CSMD1: variants seen among roughly 807,000 people sequenced by gnomAD.
CSMD1 encodes CUB and Sushi multiple domains 1, also known as CUB and sushi domain-containing protein 1.
In CSMD1, 213 loss-of-function variants were observed where a neutral mutation model predicts 417.5. The ratio of observed to expected loss-of-function variants is 0.51; its 90% confidence interval spans 0.46 to 0.57. CSMD1 has a LOEUF of 0.57. Among genes scored for constraint, CSMD1 ranks in the 20% least tolerant of loss-of-function variants. The pLI is 0.00. For missense variants in CSMD1, 6,923 were observed against 4,529.7 expected, an observed-to-expected ratio of 1.53 and a Z score of -15.17; for synonymous variants, 2,862 against 1,736.8, an observed-to-expected ratio of 1.65 and a Z score of -16.11.
intron 3 of CSMD1, among the ~76,000 whole-genome samples, chr8:4,306,954 C>A (rs931669721): frequency 3.3e-5 from 5 of 152,114 alleles, no homozygotes; most frequent in Non-Finnish European, 4.4e-5. Flanking sequence ...GATCCTACCC[C>A]CAAGCATCTC....
Position 4,573,760 on chromosome 8 carries a change from A to T in CSMD1, c.302+63582T>A, listed in dbSNP as rs200052446. ...CCCAGGTGCTCTGTCCCAGGGAGAC[A>T]GGAATTTTATCTATGAGCCGCTGAC... On this transcript the variant is annotated intron_variant, in intron 2 of 69. Transcript: ENST00000635120. 4.8e-4 allele frequency among the ~76,000 whole-genome samples: 73 copies of T among 152,328 alleles called. No homozygotes were observed. In the East Asian group the frequency reaches 4.8e-3, roughly 10 times the overall value.
At chr8:4,101,472 C>T (rs937534567) in intron 3 of CSMD1, among the ~76,000 whole-genome samples, 1 of 152,188 alleles carries the variant, frequency 6.6e-6, no homozygotes, top group African/African-American at 2.4e-5. Context: ...AACAAAAGGT[C>T]TCCATGGTGC....
At chr8:4,531,890 C>T (rs1024876420) in intron 2 of CSMD1, among the ~76,000 whole-genome samples, 2 of 151,698 alleles carry the variant, frequency 1.3e-5, no homozygotes, top group Non-Finnish European at 2.9e-5. Context: ...AATCCTGCAC[C>T]CCCATTCACA....
intron 23 of CSMD1, among the ~76,000 whole-genome samples, chr8:3,320,434 C>A (rs554097328): frequency 6.6e-6 from 1 of 152,162 alleles, no homozygotes; most frequent in South Asian, 2.1e-4. Flanking sequence ...ACACGATAAG[C>A]TCCTCGTACA....
intron 20 of CSMD1, among the ~76,000 whole-genome samples, chr8:3,366,742 G>C (rs988040774): frequency 1.3e-5 from 2 of 152,148 alleles, no homozygotes; most frequent in African/African-American, 4.8e-5. Flanking sequence ...GAAGAGAATC[G>C]AGTGAGAAGG....
At chr8:3,786,414 G>A (rs1336594058) in intron 5 of CSMD1, among the ~76,000 whole-genome samples, 1 of 152,048 alleles carries the variant, frequency 6.6e-6, no homozygotes, top group African/African-American at 2.4e-5. Flanking sequence ...AAGAGTTTGG[G>A]GGACCACAAA....
At chr8:4,939,743 C>T (rs1191827922) in intron 1 of CSMD1, among the ~76,000 whole-genome samples, 2 of 152,154 alleles carry the variant, frequency 1.3e-5, no homozygotes, top group Non-Finnish European at 2.9e-5. Context: ...ACAGAGAGTA[C>T]GTGTGGAGTA....
chr8:3,851,843 C>T (rs1439923653), intron 5 of CSMD1, among the ~76,000 whole-genome samples: 2 of 151,992 alleles, frequency 1.3e-5, no homozygotes, highest in South Asian at 2.1e-4. Flanking sequence ...CCAGGAGGGT[C>T]GGGTGGGAGC....
intron 8 of CSMD1, among the ~76,000 whole-genome samples, chr8:3,610,208 A>T (rs1227184187): frequency 6.6e-6 from 1 of 152,172 alleles, no homozygotes. Flanking sequence ...AATGGGTTTT[A>T]CTATCCCATG....
chr8:4,390,563 G>C (rs938582842), intron 3 of CSMD1, among the ~76,000 whole-genome samples: 5 of 117,134 alleles, frequency 4.3e-5, no homozygotes, highest in South Asian at 2.8e-4. Flanking sequence ...GCCCAGGCTG[G>C]AGTGCAGTGG....
At chr8:4,570,312 C>A (rs571124766) in intron 2 of CSMD1, among the ~76,000 whole-genome samples, 3 of 152,046 alleles carry the variant, frequency 2.0e-5, no homozygotes, top group East Asian at 1.9e-4. Flanking sequence ...ACATATGTTC[C>A]GTCAATACCT....
chr8:4,437,469 C>A (rs975573393), intron 2 of CSMD1, among the ~76,000 whole-genome samples: 11 of 152,184 alleles, frequency 7.2e-5, no homozygotes, highest in African/African-American at 2.7e-4. Flanking sequence ...AAGTTAATTA[C>A]ATGAAAAGTT....
At chr8:4,175,091 T>G (rs950121174) in intron 3 of CSMD1, among the ~76,000 whole-genome samples, 1 of 151,936 alleles carries the variant, frequency 6.6e-6, no homozygotes. Flanking sequence ...TGCACTTTCA[T>G]AGACAAATTT....
At chr8:4,280,905 G>C (rs2656288) in intron 3 of CSMD1, among the ~76,000 whole-genome samples, 2 of 152,060 alleles carry the variant, frequency 1.3e-5, no homozygotes, top group African/African-American at 4.8e-5. Flanking sequence ...AGTTGTCATG[G>C]AAGTTGCAAT....
In CSMD1 at chr8:3,284,058, C is replaced by A. The variant is rs1802949488; in HGVS notation, c.4153+86G>T. On this transcript the variant is annotated intron_variant, in intron 26 of 69. Coordinates refer to ENST00000635120, the MANE Select transcript of CSMD1 (RefSeq NM_033225.6). ...AATAAATTGCATCTGTGTAAGGAGA[C>A]GCTGGTGAATATAAATGGAGGGAGA... is the stretch of plus-strand genomic sequence containing the variant. 4 of 1,099,014 alleles carry A rather than the reference C, an allele frequency of 3.6e-6. No individual in the cohort carries two copies. The East Asian group carries it at 7.7e-5, about 21-fold the overall frequency. 68.1% of individuals were successfully genotyped at this position (1,099,014 alleles called of 1,614,324 possible).
intron 17 of CSMD1, 127 bp from the exon 18 acceptor site, chr8:3,387,809 C>T: frequency 1.3e-6 from 1 of 748,170 alleles, no homozygotes; most frequent in Non-Finnish European, 2.1e-6. Flanking sequence ...GCAAGTGAAC[C>T]CAACAATCCA....
At chr8:3,759,357 C>G (rs1355437664) in intron 5 of CSMD1, among the ~76,000 whole-genome samples, 1 of 152,092 alleles carries the variant, frequency 6.6e-6, no homozygotes, top group Non-Finnish European at 1.5e-5. Flanking sequence ...CAATTCTTAT[C>G]TATTCATAAC....
chr8:3,848,622 T>A (rs1428386461), intron 5 of CSMD1, among the ~76,000 whole-genome samples: 2 of 152,206 alleles, frequency 1.3e-5, no homozygotes, highest in African/African-American at 4.8e-5. Context: ...TGTTCTAAAG[T>A]GCAGAGAATA....
intron 36 of CSMD1, 25 bp from the exon 37 acceptor site, chr8:3,181,239 T>G: frequency 6.8e-7 from 1 of 1,466,646 alleles, no homozygotes; most frequent in Non-Finnish European, 9.5e-7. Context: ...GCAGATAGAA[T>G]TGTAACACTA....
Sources: gnomAD v4.1 joint callset for allele counts (sites outside exome capture counted in the v4.1 genomes callset) on GRCh38, gnomAD v4.1.1 for gene constraint, MANE v1.5 for transcripts, NCBI Gene and HGNC (gene_info 2026-07-23, HGNC 2026-07-21) for gene names.